ESM1: variants seen among roughly 807,000 people sequenced by gnomAD.
The protein encoded by ESM1 is endothelial cell-specific molecule 1.
Under a neutral mutation model 14.9 loss-of-function variants are expected in ESM1, and 7 were observed. The observed-to-expected ratio is 0.47, with a 90% CI of 0.27 to 0.88. ESM1 has a LOEUF of 0.88. ESM1 is among the 40% of genes least tolerant of loss of function. The pLI is 0.14. For missense variants in ESM1, 192 were observed against 237.9 expected, an observed-to-expected ratio of 0.81 and a Z score of 1.27; for synonymous variants, 89 against 89.4, an observed-to-expected ratio of 1.00 and a Z score of 0.02.
intron 2 of ESM1, among the ~76,000 whole-genome samples, chr5:54,979,789 G>A (rs1744016198): frequency 6.6e-6 from 1 of 152,194 alleles, no homozygotes; most frequent in African/African-American, 2.4e-5. Context: ...TTGCCACATA[G>A]TAGGCACTTA....
At position 54,979,272 on chromosome 5, in the gene ESM1, G is replaced by A. The variant is rs950709066; in HGVS notation, c.*60C>T. The A allele has an allele frequency of 1.7e-6, 2 of 1,211,468 alleles. No homozygotes were observed. The highest frequency in any genetic ancestry group is 2.5e-5 in the South Asian group (2 of 80,646). The allele number at this position is 1,211,468 out of a possible 1,614,324, so 75.0% of individuals were successfully genotyped here. A position where few individuals can be genotyped will look rare whatever the true frequency, so the allele number is the denominator to read the frequency against. On this transcript the variant is annotated 3_prime_UTR_variant, in exon 3 of 3. Transcript: ENST00000381405. ...CTATAATCTAGAAAGTTCCTAAAATGTTGGCTGTGTGTTGAACAATCACGA... is the reference window on the plus strand; with the variant it reads ...CTATAATCTAGAAAGTTCCTAAAATATTGGCTGTGTGTTGAACAATCACGA...
At chr5:54,984,890 C>T (rs1411123382) in intron 1 of ESM1, among the ~76,000 whole-genome samples, 3 of 152,152 alleles carry the variant, frequency 2.0e-5, no homozygotes, top group Admixed American at 1.3e-4. Flanking sequence ...AGCACCTAAG[C>T]CATCCTTAAC....
chr5:54,983,970 A>G (rs1580281127), intron 1 of ESM1, among the ~76,000 whole-genome samples: 1 of 152,234 alleles, frequency 6.6e-6, no homozygotes, highest in East Asian at 1.9e-4. Context: ...TATTCAGTTG[A>G]AAGAAACATG....
At chr5:54,981,754 A>G (rs1239195700) in intron 2 of ESM1, among the ~76,000 whole-genome samples, 1 of 152,176 alleles carries the variant, frequency 6.6e-6, no homozygotes, top group African/African-American at 2.4e-5. Flanking sequence ...TCCTCCTATA[A>G]ATCATATTTA....
intron 1 of ESM1, among the ~76,000 whole-genome samples, 168 bp from the exon 2 acceptor site, chr5:54,982,314 A>G (rs759244565): frequency 2.0e-5 from 3 of 152,222 alleles, no homozygotes; most frequent in Non-Finnish European, 4.4e-5. Context: ...ACTTTGAGTC[A>G]TAAATATGAA....
chr5:54,979,366 G>A lies in ESM1; in HGVS notation c.521C>T (p.Ser174Phe). The change falls in exon 3 of 3, where the codon TCT becomes TTT. Residue 174 changes from serine to phenylalanine, a missense_variant. Ser to Phe is a radical substitution (Grantham distance 155). Coordinates refer to ENST00000381405, the MANE Select transcript of ESM1 (RefSeq NM_007036.5). ...EEVVKENAAG[S>F]PVMRKWLNPR ...ATTTAACCATTTCCTCATTACGGGA[G>A]ACCCGGCAGCATTCTCTTTCACAAC... The A allele has an allele frequency of 6.2e-7, 1 of 1,613,720 alleles. No homozygotes were observed. Among genetic ancestry groups the A allele is most frequent in the Non-Finnish European group, 8.5e-7 (1 of 1,179,662 alleles).
At chr5:54,984,840 C>T (rs773571283) in intron 1 of ESM1, among the ~76,000 whole-genome samples, 1 of 152,184 alleles carries the variant, frequency 6.6e-6, no homozygotes, top group Non-Finnish European at 1.5e-5. Context: ...AAGAGGTTAT[C>T]TAGTGCAGAC....
intron 1 of ESM1, among the ~76,000 whole-genome samples, chr5:54,982,410 C>T (rs1332510259): frequency 6.6e-6 from 1 of 152,134 alleles, no homozygotes; most frequent in African/African-American, 2.4e-5. Flanking sequence ...CACAGCCAGT[C>T]TCCTTGGACC....
At chr5:54,982,275 T>A in intron 1 of ESM1, 129 bp from the exon 2 acceptor site, 3 of 832,404 alleles carry the variant, frequency 3.6e-6, no homozygotes, top group Non-Finnish European at 5.5e-6. Context: ...TAAAATCCAA[T>A]TCTCCAAACC....
chr5:54,985,213 T>C lies in ESM1; in HGVS notation c.301+4A>G. 1 of 1,603,960 alleles carries C rather than the reference T, an allele frequency of 6.2e-7. No individual in the cohort carries two copies. Among genetic ancestry groups the C allele is most frequent in the Non-Finnish European group, 8.5e-7 (1 of 1,173,306 alleles). On this transcript the variant is annotated splice_donor_region_variant and intron_variant, in intron 1 of 2. Transcript: ENST00000381405. ...GAGGGGAGAGGTAAGGGGTCACTCT[T>C]TACCTTTGCAGATACCAAACTCTTC...
At position 54,982,066 on chromosome 5, in the gene ESM1, T is replaced by C. The variant is rs768446938; in HGVS notation, c.382A>G (p.Lys128Glu). ...TGGAAGAAGGGGAATTTCAGGCATT[T>C]TCCCGTCCCCCTGTCACAGATGCCT... is the stretch of plus-strand genomic sequence containing the variant. Reference protein sequence around the residue: ...QSGICDRGTGKCLKFPFFQYS... With the variant: ...QSGICDRGTGECLKFPFFQYS... Residue 128 changes from lysine to glutamate, a missense_variant, in exon 2 of 3, where the codon AAA becomes GAA. Coordinates refer to ENST00000381405, the MANE Select transcript of ESM1 (RefSeq NM_007036.5). 5.0e-6 allele frequency: 8 copies of C among 1,614,190 alleles called. No individual in the cohort carries two copies. Among genetic ancestry groups the C allele is most frequent in the Non-Finnish European group, 6.8e-6 (8 of 1,180,008 alleles).
At chr5:54,983,640 G>A (rs1042462948) in intron 1 of ESM1, among the ~76,000 whole-genome samples, 6 of 152,166 alleles carry the variant, frequency 3.9e-5, no homozygotes, top group Admixed American at 6.5e-5. Flanking sequence ...AGAGAAAAAT[G>A]CTTAAAACTA....
In ESM1 at chr5:54,979,040, T is replaced by C. The variant is rs1165564560; in HGVS notation, c.*292A>G. ...CCTAGCTCCCTCTTTGGTTGACCTG[T>C]CTCCACGTAAGATTACCTAAATTGC... On this transcript the variant is annotated 3_prime_UTR_variant, in exon 3 of 3. Coordinates refer to ENST00000381405, the MANE Select transcript of ESM1 (RefSeq NM_007036.5). The C allele has an allele frequency of 1.1e-5, 3 of 263,090 alleles. No homozygotes were observed. The highest frequency in any genetic ancestry group is 2.2e-5 in the Non-Finnish European group (3 of 138,082). The allele number at this position is 263,090 out of a possible 1,614,324, so 16.3% of individuals were successfully genotyped here.
chr5:54,984,202 T>TA (rs149339632), intron 1 of ESM1, among the ~76,000 whole-genome samples: 3 of 152,088 alleles, frequency 2.0e-5, no homozygotes, highest in Non-Finnish European at 4.4e-5. Flanking sequence ...ATATTATTCA[T>TA]AAAAAATGTA....
chr5:54,982,999 C>A (rs1209540275), intron 1 of ESM1, among the ~76,000 whole-genome samples: 3 of 152,108 alleles, frequency 2.0e-5, no homozygotes, highest in Non-Finnish European at 2.9e-5. Flanking sequence ...AGTAGACTAA[C>A]CAACCTTTAA....
At chr5:54,982,222 A>G in intron 1 of ESM1, 76 bp from the exon 2 acceptor site, 2 of 1,469,880 alleles carry the variant, frequency 1.4e-6, no homozygotes. Flanking sequence ...CTGGGTGCAT[A>G]GCCTTGCGAT....
intron 1 of ESM1, among the ~76,000 whole-genome samples, chr5:54,984,454 A>G (rs933211342): frequency 6.6e-5 from 10 of 152,246 alleles, no homozygotes; most frequent in African/African-American, 2.4e-4. Flanking sequence ...TTTAAAATAA[A>G]TTCTACAAAT....
chr5:54,983,028 T>C (rs3756296), intron 1 of ESM1, among the ~76,000 whole-genome samples: 30,991 of 152,172 alleles, frequency 0.2, 3,694 homozygotes, highest in South Asian at 0.35. Flanking sequence ...AGAATAGATA[T>C]AGAATATTCT....
At chr5:54,980,982 T>C (rs1425451702) in intron 2 of ESM1, among the ~76,000 whole-genome samples, 1 of 152,204 alleles carries the variant, frequency 6.6e-6, no homozygotes, top group Non-Finnish European at 1.5e-5. Flanking sequence ...TCTGTGACTA[T>C]ATGTTGGGCT....
Sources: allele counts gnomAD v4.1 joint callset (sites outside exome capture counted in the v4.1 genomes callset), GRCh38; gene constraint gnomAD v4.1.1; transcripts MANE v1.5; gene names NCBI Gene and HGNC (gene_info 2026-07-23, HGNC 2026-07-21).